The following NQO2 variants were observed in gnomAD, a reference collection of about 807,000 sequenced individuals.
The protein encoded by NQO2 is ribosyldihydronicotinamide dehydrogenase [quinone].
In NQO2, 18 loss-of-function variants were observed where a neutral mutation model predicts 22.0. The ratio of observed to expected loss-of-function variants is 0.82; its 90% CI spans 0.56 to 1.21. The LOEUF is 1.21. Among genes scored for constraint, NQO2 ranks in the 50% most tolerant of loss-of-function variants. NQO2 has a pLI of 0.00. For missense variants in NQO2, 267 were observed against 286.9 expected (o/e 0.93, Z 0.50); for synonymous variants, 106 against 110.8 (o/e 0.96, Z 0.28).
chr6:3,011,071 A>C lies in NQO2; in HGVS notation c.172+882A>C, dbSNP rs1041789831. ...AAATAGATGTCATCCACAAGAAACA[A>C]CAGTAAACAGGGAACCATGACCTCT... On this transcript the variant is annotated intron_variant, in intron 3 of 6. Transcript: ENST00000380455. 7.2e-5 allele frequency among the ~76,000 whole-genome samples: 11 copies of C among 152,202 alleles called. No homozygotes were observed. The South Asian group carries it at 1.4e-3, about 20-fold the overall frequency.
chr6:3,015,032 A>T, intron 4 of NQO2: 1 of 1,165,726 alleles, frequency 8.6e-7, no homozygotes, highest in Non-Finnish European at 1.1e-6. Flanking sequence ...ATGTAATGTT[A>T]GGGCATCTAT....
chr6:3,002,965 G>C (rs943075428), intron 1 of NQO2, among the ~76,000 whole-genome samples: 1 of 151,816 alleles, frequency 6.6e-6, no homozygotes, highest in Non-Finnish European at 1.5e-5. Flanking sequence ...TATGTTGCCC[G>C]GGCTGGTCTC....
intron 6 of NQO2, among the ~76,000 whole-genome samples, chr6:3,017,832 T>C (rs1757389295): frequency 6.6e-6 from 1 of 151,970 alleles, no homozygotes; most frequent in Non-Finnish European, 1.5e-5. Flanking sequence ...GGGTAGGGAG[T>C]TTGCTGGGAA....
intron 5 of NQO2, among the ~76,000 whole-genome samples, chr6:3,016,030 T>C (rs190185255): frequency 1.3e-5 from 2 of 152,278 alleles, no homozygotes; most frequent in East Asian, 1.9e-4. Flanking sequence ...TTGAGCATCA[T>C]GTGCCTGCTG....
intron 1 of NQO2, chr6:3,002,004 T>C (rs4149352): frequency 0.78 from 119,705 of 153,300 alleles, 46,878 homozygotes; most frequent in African/African-American, 0.83. Flanking sequence ...AGAGCTGAGT[T>C]AGTCACTCAG....
chr6:3,017,627 A>C (rs62392497), intron 6 of NQO2, among the ~76,000 whole-genome samples: 31,446 of 152,062 alleles, frequency 0.21, 3,404 homozygotes, highest in Non-Finnish European at 0.22. Context: ...TGCCAAAGGG[A>C]AGGTGGTGGG....
intron 4 of NQO2, among the ~76,000 whole-genome samples, chr6:3,014,626 T>G (rs1426279664): frequency 6.6e-6 from 1 of 152,206 alleles, no homozygotes; most frequent in African/African-American, 2.4e-5. Context: ...CTACTTTCCC[T>G]TTTTTTCTGA....
At chr6:3,013,255 G>A (rs982702938) in intron 4 of NQO2, among the ~76,000 whole-genome samples, 3 of 152,126 alleles carry the variant, frequency 2.0e-5, no homozygotes, top group African/African-American at 4.8e-5. Flanking sequence ...GCGCCCGGCC[G>A]ATGTAACACT....
chr6:3,005,837 T>C, intron 1 of NQO2: 1 of 983,902 alleles, frequency 1.0e-6, no homozygotes, highest in Non-Finnish European at 1.2e-6. Flanking sequence ...GATGAGGAGG[T>C]TGAGGCACAG....
Position 3,006,969 on chromosome 6 carries a change from GC to G in NQO2, c.7+411del, listed in dbSNP as rs1561711757. The G allele has an allele frequency of 2.5e-6, 1 of 404,252 alleles. No homozygotes were observed. The highest frequency in any genetic ancestry group is 3.5e-5 in the East Asian group (1 of 28,184). 25.0% of individuals were successfully genotyped at this position (404,252 alleles called of 1,614,324 possible). A position where few individuals can be genotyped will look rare whatever the true frequency, so the allele number is the denominator to read the frequency against. On this transcript the variant is annotated intron_variant, in intron 2 of 6. Transcript: ENST00000380455. This position sits in a 1 kb window ranked among gnomAD's most constrained non-coding sequence, Gnocchi z 4.0. ...TCAGTACGATTCTATCTTTGCTTTT[GC>G]AACTGCTTATCATGCACATATACAT...
rs201511110 is a variant in NQO2, at chr6:3,015,581, A to G, written c.355A>G (p.Arg119Gly). The change falls in exon 5 of 7, where the codon AGG becomes GGG. Residue 119 changes from arginine to glycine, a missense_variant. Physicochemically the swap from Arg to Gly is moderately radical, Grantham distance 125. Transcript: ENST00000380455. The part of the protein sequence containing the change: ...VPAILKGWMD[R>G]VLCQGFAFDI... ...AGCCATCCTGAAGGGCTGGATGGAT[A>G]GGGTGCTGTGCCAGGGCTTTGCCTT... The G allele has an allele frequency of 6.2e-7, 1 of 1,614,188 alleles. No homozygotes were observed. The highest frequency in any genetic ancestry group is 2.2e-5 in the East Asian group (1 of 44,884).
At chr6:3,005,530 C>T (rs1756920804) in intron 1 of NQO2, 1 of 413,658 alleles carries the variant, frequency 2.4e-6, no homozygotes, top group South Asian at 1.0e-4. Flanking sequence ...ACTGACCATT[C>T]ATACATCTTT....
intron 3 of NQO2, 110 bp from the exon 4 acceptor site, chr6:3,012,434 A>AT: frequency 6.6e-7 from 1 of 1,507,756 alleles, no homozygotes; most frequent in Admixed American, 2.3e-5. Context: ...GTTGCAGCAA[A>AT]TGTCTTTGAC....
At position 3,006,674 on chromosome 6, in the gene NQO2, C is replaced by A; in HGVS notation, c.7+115C>A. On this transcript the variant is annotated intron_variant, in intron 2 of 6. Transcript: ENST00000380455. This position sits in a 1 kb window ranked among gnomAD's most constrained non-coding sequence, Gnocchi z 4.0. ...CAAGTGACCCTCCCACATTGACCTTCCAGGTGGGAGTTAGACTCTTAATCA... is the reference window on the plus strand; with the variant it reads ...CAAGTGACCCTCCCACATTGACCTTACAGGTGGGAGTTAGACTCTTAATCA... The A allele has an allele frequency of 9.3e-7, 1 of 1,077,792 alleles. No homozygotes were observed. Among genetic ancestry groups the A allele is most frequent in the Non-Finnish European group, 1.3e-6 (1 of 774,488 alleles). 66.8% of individuals were successfully genotyped at this position (1,077,792 alleles called of 1,614,324 possible).
intron 1 of NQO2, among the ~76,000 whole-genome samples, chr6:3,005,106 A>G (rs1312272166): frequency 6.6e-6 from 1 of 151,950 alleles, no homozygotes; most frequent in East Asian, 1.9e-4. Context: ...CATTTTAGCC[A>G]CTTTTAAGGG....
intron 5 of NQO2, among the ~76,000 whole-genome samples, chr6:3,016,483 A>G (rs1050999557): frequency 5.3e-5 from 8 of 152,062 alleles, no homozygotes. Context: ...AGCTTCAGAA[A>G]ATAAATGCAC....
At chr6:3,004,472 C>T in intron 1 of NQO2, 2 of 986,006 alleles carry the variant, frequency 2.0e-6, no homozygotes, top group Non-Finnish European at 2.4e-6. Flanking sequence ...AATGATGTAG[C>T]CTCTTTTCCT....
chr6:3,000,746 T>G (rs1756660374), intron 1 of NQO2, among the ~76,000 whole-genome samples: 1 of 152,168 alleles, frequency 6.6e-6, no homozygotes. Context: ...TTCATGTTGG[T>G]CAGGCTGGTC....
chr6:3,012,872 C>T (rs1757185520), intron 4 of NQO2, among the ~76,000 whole-genome samples, 198 bp downstream of exon 4: 2 of 149,216 alleles, frequency 1.3e-5, no homozygotes, highest in Middle Eastern at 3.4e-3. Context: ...CACCTAGTTA[C>T]AACACTTCAC....
Sources: gnomAD v4.1 joint callset for allele counts (sites outside exome capture counted in the v4.1 genomes callset) on GRCh38, gnomAD v4.1.1 for gene constraint, Gnocchi (gnomAD v3.1) non-coding constraint, MANE v1.5 for transcripts, NCBI Gene and HGNC (gene_info 2026-07-23, HGNC 2026-07-21) for gene names.